RBFOX1: variants seen among roughly 807,000 people sequenced by gnomAD.
The protein encoded by RBFOX1 is RNA binding fox-1 homolog 1.
In RBFOX1, 8 loss-of-function variants were observed where a neutral mutation model predicts 57.7. That is an observed-to-expected ratio of 0.14 (90% CI 0.08 to 0.25). RBFOX1 has a LOEUF of 0.25. Ranked by LOEUF, RBFOX1 falls within the 10% of genes least tolerant of loss-of-function variation. The probability of loss-of-function intolerance (pLI) is 1.00; values close to 1 mark genes in which losing one functional copy is unlikely to be tolerated. For synonymous variants in RBFOX1, 326 were observed against 222.4 expected (o/e 1.47, Z -4.15); for missense variants, 611 against 548.5 (o/e 1.11, Z -1.14).
intron 2 of RBFOX1, among the ~76,000 whole-genome samples, chr16:6,635,467 G>C (rs1483411668): frequency 6.6e-6 from 1 of 152,136 alleles, no homozygotes; most frequent in Non-Finnish European, 1.5e-5. Flanking sequence ...AGAGGAGGAA[G>C]TGATAACAGG....
chr16:6,769,016 T>C (rs113217311), intron 3 of RBFOX1, among the ~76,000 whole-genome samples: 5 of 152,256 alleles, frequency 3.3e-5, no homozygotes, highest in Admixed American at 1.3e-4. Context: ...CGTGAGCCAC[T>C]GCGCCCAGCC....
chr16:6,917,293 A>G (rs993293530), intron 3 of RBFOX1, among the ~76,000 whole-genome samples: 1 of 152,218 alleles, frequency 6.6e-6, no homozygotes, highest in Non-Finnish European at 1.5e-5. Context: ...TTTGTAACCA[A>G]ACACTGAACA....
intron 4 of RBFOX1, among the ~76,000 whole-genome samples, chr16:7,299,980 A>G (rs1026989332): frequency 6.6e-6 from 1 of 152,248 alleles, no homozygotes; most frequent in Non-Finnish European, 1.5e-5. Context: ...GTATTAAACA[A>G]ATGTGAGGCT....
chr16:6,857,902 C>T (rs2058202177), intron 3 of RBFOX1, among the ~76,000 whole-genome samples: 1 of 152,170 alleles, frequency 6.6e-6, no homozygotes, highest in Non-Finnish European at 1.5e-5. Flanking sequence ...TGAGCCTATC[C>T]CACAGAAGTC....
In RBFOX1 at chr16:7,061,022, C is replaced by CTGTGTGTGTG. The variant is rs112453963; in HGVS notation, c.27+8932_27+8941dup. 6.2e-3 allele frequency among the ~76,000 whole-genome samples: 929 copies of CTGTGTGTGTG among 150,624 alleles called. 6 individuals are homozygous for CTGTGTGTGTG. The highest frequency in any genetic ancestry group is 0.016 in the African/African-American group (654 of 41,122). ...TTGATGAGATTTCATGTATGTTCTCCTGTGTGTGTGTGTGTGTACGTGCAC... is the reference window on the plus strand; with the variant it reads ...TTGATGAGATTTCATGTATGTTCTCCTGTGTGTGTGTGTGTGTGTGTGTGTGTACGTGCAC... On this transcript the variant is annotated intron_variant, in intron 4 of 15. Transcript: ENST00000550418.
intron 4 of RBFOX1, among the ~76,000 whole-genome samples, chr16:7,335,770 C>T (rs1443945407): frequency 1.3e-5 from 2 of 152,140 alleles, no homozygotes; most frequent in Admixed American, 1.3e-4. Flanking sequence ...TCTGCCCTAC[C>T]CTTCCTCCTT....
At chr16:6,758,854 T>G (rs111467482) in intron 3 of RBFOX1, among the ~76,000 whole-genome samples, 1 of 152,262 alleles carries the variant, frequency 6.6e-6, no homozygotes, top group African/African-American at 2.4e-5. Flanking sequence ...TTTACCCTAA[T>G]TAGATAAGAA....
chr16:5,777,869 C>T (rs186117401), intron 3 of RBFOX1, among the ~76,000 whole-genome samples: 29 of 152,288 alleles, frequency 1.9e-4, no homozygotes, highest in African/African-American at 6.7e-4. Context: ...ATGAGAACCA[C>T]GATCATAAGT....
chr16:7,629,958 G>A (rs1280260796), intron 10 of RBFOX1, among the ~76,000 whole-genome samples: 2 of 152,068 alleles, frequency 1.3e-5, no homozygotes, highest in African/African-American at 4.8e-5. Context: ...CCCAGGGATG[G>A]CAAAAAGTTG....
intron 1 of RBFOX1, among the ~76,000 whole-genome samples, chr16:6,064,693 A>G (rs1216605181): frequency 6.6e-6 from 1 of 152,098 alleles, no homozygotes; most frequent in African/African-American, 2.4e-5. Flanking sequence ...GGTGCATGCC[A>G]CCACACCCAG....
intron 2 of RBFOX1, among the ~76,000 whole-genome samples, chr16:6,524,801 C>A (rs542283862): frequency 6.6e-6 from 1 of 152,096 alleles, no homozygotes; most frequent in African/African-American, 2.4e-5. Flanking sequence ...GTCATTGCCC[C>A]ACCTTCTTCC....
At chr16:5,697,753 C>G (rs895508607) in intron 3 of RBFOX1, among the ~76,000 whole-genome samples, 3 of 151,938 alleles carry the variant, frequency 2.0e-5, no homozygotes, top group Non-Finnish European at 4.4e-5. Flanking sequence ...AGGCTGGTCT[C>G]GAACTCCTGT....
intron 3 of RBFOX1, among the ~76,000 whole-genome samples, chr16:6,871,959 G>C (rs8064122): frequency 1.9e-3 from 239 of 126,326 alleles, no homozygotes; most frequent in African/African-American, 6.0e-3. Flanking sequence ...GTGTGTGTGT[G>C]TGTTTCCCTC....
Position 6,598,219 on chromosome 16 carries a change from C to T in RBFOX1, c.-63-56384C>T, listed in dbSNP as rs189734822. On this transcript the variant is annotated intron_variant, in intron 2 of 15. Coordinates refer to ENST00000550418, the MANE Select transcript of RBFOX1 (RefSeq NM_018723.4). ...AGGGTTTTTTAAATGTGATCAGACACTATATAGTTTCTAACTTGCCTTTTT... is the reference window on the plus strand; with the variant it reads ...AGGGTTTTTTAAATGTGATCAGACATTATATAGTTTCTAACTTGCCTTTTT... 5.9e-5 allele frequency among the ~76,000 whole-genome samples: 9 copies of T among 152,308 alleles called. No homozygotes were observed. The East Asian group carries it at 1.4e-3, about 23-fold the overall frequency.
intron 3 of RBFOX1, among the ~76,000 whole-genome samples, chr16:6,931,804 T>G (rs781424006): frequency 2.6e-5 from 4 of 152,116 alleles, no homozygotes; most frequent in Non-Finnish European, 2.9e-5. Flanking sequence ...GAAAAATAAG[T>G]TTACTCAGTT....
At chr16:5,717,082 T>G (rs193177837) in intron 3 of RBFOX1, among the ~76,000 whole-genome samples, 16 of 152,306 alleles carry the variant, frequency 1.1e-4, no homozygotes, top group Non-Finnish European at 2.2e-4. Flanking sequence ...TTAGAAATTC[T>G]TGGAGGTGCT....
chr16:7,417,825 C>A (rs554523606), intron 4 of RBFOX1, among the ~76,000 whole-genome samples: 101 of 152,194 alleles, frequency 6.6e-4, no homozygotes, highest in Non-Finnish European at 1.2e-3. Context: ...TTAGTCCTCA[C>A]ACAGAGCTTG....
At chr16:7,169,106 A>C (rs1406587574) in intron 4 of RBFOX1, among the ~76,000 whole-genome samples, 1 of 152,230 alleles carries the variant, frequency 6.6e-6, no homozygotes, top group Admixed American at 6.5e-5. Flanking sequence ...GTCTCAGGGC[A>C]GGAAAAATGT....
intron 3 of RBFOX1, among the ~76,000 whole-genome samples, chr16:5,706,832 G>C (rs969312868): frequency 6.6e-6 from 1 of 152,064 alleles, no homozygotes; most frequent in African/African-American, 2.4e-5. Context: ...GGGGCAGGGG[G>C]CAAGAGGGCA....
Sources: allele counts gnomAD v4.1 joint callset (sites outside exome capture counted in the v4.1 genomes callset), GRCh38; gene constraint gnomAD v4.1.1; transcripts MANE v1.5; gene names NCBI Gene and HGNC (gene_info 2026-07-23, HGNC 2026-07-21).